Variants in DHX9 observed in about 807,000 individuals in gnomAD.
DHX9 encodes DExH-box helicase 9, also known as ATP-dependent RNA helicase A.
In DHX9, 27 loss-of-function variants were observed where a neutral mutation model predicts 148.7. That is an observed-to-expected ratio of 0.18 (90% CI 0.13 to 0.25). DHX9 has a LOEUF of 0.25. DHX9 is among the 10% of genes least tolerant of loss of function. DHX9 has a pLI of 1.00. For missense variants in DHX9, 796 were observed against 1,559.6 expected, an observed-to-expected ratio of 0.51 and a Z score of 8.25; for synonymous variants, 529 against 516.6, an observed-to-expected ratio of 1.02 and a Z score of -0.33.
At chr1:182,857,224 G>A (rs946276396) in intron 7 of DHX9, among the ~76,000 whole-genome samples, 6 of 152,286 alleles carry the variant, frequency 3.9e-5, no homozygotes, top group African/African-American at 7.2e-5. Flanking sequence ...GAGGATAAAG[G>A]CAGGCTAACT....
chr1:182,870,280 C>T (rs1648502419), intron 14 of DHX9, among the ~76,000 whole-genome samples: 1 of 152,090 alleles, frequency 6.6e-6, no homozygotes, highest in Non-Finnish European at 1.5e-5. Flanking sequence ...ATTAAAATCC[C>T]AGTAAGGTTT....
chr1:182,868,015 A>G (rs1285328036), intron 14 of DHX9, among the ~76,000 whole-genome samples: 1 of 152,076 alleles, frequency 6.6e-6, no homozygotes, highest in Non-Finnish European at 1.5e-5. Context: ...CCCATCCCCC[A>G]TCCTGAAGTT....
intron 7 of DHX9, 50 bp from the exon 8 acceptor site, chr1:182,858,054 T>C (rs768228637): frequency 1.2e-5 from 19 of 1,575,866 alleles, no homozygotes; most frequent in Admixed American, 1.8e-5. Context: ...AAGATGTTTC[T>C]TTACTCAGAT....
In DHX9 at chr1:182,860,124, C is replaced by T. The variant is rs1668333687; in HGVS notation, c.1272C>T (p.Phe424=). The change falls in exon 12 of 28, where the codon TTC becomes TTT. Residue 424 remains phenylalanine (F), a synonymous_variant. Transcript: ENST00000367549. The part of the protein sequence containing the change: ...GCGKTTQVPQ[F]ILDDFIQNDR... The stretch of plus-strand genomic sequence containing the variant: ...GGAAAACCACACAGGTTCCCCAGTT[C>T]ATTCTAGATGACTTTATCCAGAATG... The T allele has an allele frequency of 1.2e-6, 2 of 1,613,774 alleles. No individual in the cohort carries two copies.
At chr1:182,881,207 G>C in intron 22 of DHX9, 57 bp from the exon 23 acceptor site, 1 of 1,556,932 alleles carries the variant, frequency 6.4e-7, no homozygotes, top group African/African-American at 1.4e-5. Context: ...TCCTACCTGA[G>C]CTGCTGGCAA....
chr1:182,865,733 A>G (rs1648266474), intron 12 of DHX9, among the ~76,000 whole-genome samples: 2 of 152,256 alleles, frequency 1.3e-5, no homozygotes, highest in African/African-American at 4.8e-5. Context: ...CATGCAGTAT[A>G]TAAATCTTCG....
At chr1:182,864,284 G>A (rs575982915) in intron 12 of DHX9, among the ~76,000 whole-genome samples, 1 of 152,254 alleles carries the variant, frequency 6.6e-6, no homozygotes, top group Non-Finnish European at 1.5e-5. Context: ...GTGTCTCACT[G>A]TGTTGCCCAG....
intron 27 of DHX9, among the ~76,000 whole-genome samples, chr1:182,885,903 TAGG>T (rs1214522312): frequency 6.6e-6 from 1 of 152,158 alleles, no homozygotes; most frequent in Non-Finnish European, 1.5e-5. Flanking sequence ...TTATTTTTGG[TAGG>T]AGGGCTGGTA....
Position 182,878,073 on chromosome 1 carries a change from G to A in DHX9, c.2251G>A (p.Val751Ile). The change falls in exon 20 of 28, where the codon GTA becomes ATA. Residue 751 changes from valine to isoleucine, a missense_variant. Transcript: ENST00000367549. Reference protein sequence around the residue: ...AHNNMTNYATVWASKTNLEQR... With the variant: ...AHNNMTNYATIWASKTNLEQR... ...CAACAATATGACCAACTATGCTACC[G>A]TATGGGCATCAAAAACAAACCTTGA... 6.2e-7 allele frequency: 1 copy of A among 1,614,204 alleles called. No homozygotes were observed. Among genetic ancestry groups the A allele is most frequent in the Non-Finnish European group, 8.5e-7 (1 of 1,180,034 alleles).
At chr1:182,867,646 A>G (rs899551682) in intron 14 of DHX9, among the ~76,000 whole-genome samples, 2 of 152,150 alleles carry the variant, frequency 1.3e-5, no homozygotes, top group African/African-American at 4.8e-5. Flanking sequence ...CAGGTGATCC[A>G]CCTGCCTTAG....
At chr1:182,869,717 C>T (rs1006121569) in intron 14 of DHX9, among the ~76,000 whole-genome samples, 2 of 152,192 alleles carry the variant, frequency 1.3e-5, no homozygotes, top group African/African-American at 4.8e-5. Flanking sequence ...TCAGGCGATT[C>T]TCCTACGAGT....
intron 18 of DHX9, 122 bp from the exon 19 acceptor site, chr1:182,876,708 A>T: frequency 1.1e-6 from 1 of 916,296 alleles, no homozygotes; most frequent in Non-Finnish European, 1.7e-6. Flanking sequence ...TTAATCAGTT[A>T]TTGGGTGATC....
chr1:182,843,611 C>T (rs1667970864), intron 3 of DHX9, among the ~76,000 whole-genome samples, 177 bp downstream of exon 3: 1 of 152,136 alleles, frequency 6.6e-6, no homozygotes, highest in South Asian at 2.1e-4. Flanking sequence ...ATGTGGATTG[C>T]ATCCTTATTA....
At chr1:182,853,853 A>G (rs1668206518) in intron 5 of DHX9, among the ~76,000 whole-genome samples, 177 bp from the exon 6 acceptor site, 1 of 152,114 alleles carries the variant, frequency 6.6e-6, no homozygotes, top group South Asian at 2.1e-4. Flanking sequence ...TTTATATAAT[A>G]GGGCCTTTAG....
chr1:182,878,804 G>A (rs190662206), intron 20 of DHX9, among the ~76,000 whole-genome samples: 61 of 152,278 alleles, frequency 4.0e-4, no homozygotes, highest in African/African-American at 1.3e-3. Context: ...AAAAGTTTTG[G>A]ATTTTAAAGA....
chr1:182,884,482 G>GT (rs543788754), intron 26 of DHX9, 131 bp from the exon 27 acceptor site: 44,944 of 553,378 alleles, frequency 0.081, 154 homozygotes, highest in South Asian at 0.12. Flanking sequence ...ATTATAAGTA[G>GT]TTTTTTTTTT....
rs370793590 is a variant in DHX9 at position 182,884,740 on chromosome 1, C to T, written c.3388C>T (p.Arg1130Cys). 1.9e-6 allele frequency: 3 copies of T among 1,614,102 alleles called. No individual in the cohort carries two copies. The highest frequency in any genetic ancestry group is 2.5e-6 in the Non-Finnish European group (3 of 1,180,030). ...CAGCCAGTTGGACCCCGTAAATGAACGTATGCTGAACATGATCCGTCAGAT... is the reference window on the plus strand; with the variant it reads ...CAGCCAGTTGGACCCCGTAAATGAATGTATGCTGAACATGATCCGTCAGAT... Reference protein sequence around the residue: ...IISQLDPVNERMLNMIRQISR... With the variant: ...IISQLDPVNECMLNMIRQISR... The change falls in exon 27 of 28, where the codon CGT becomes TGT. Residue 1130 changes from arginine (R) to cysteine (C), a missense_variant. Around this residue, in one of 14 missense-constraint regions of DHX9, gnomAD observed 86 missense variants for 156.3 expected, o/e 0.55. Coordinates refer to ENST00000367549, the MANE Select transcript of DHX9 (RefSeq NM_001357.5).
At position 182,852,330 on chromosome 1, in the gene DHX9, T is replaced by G; in HGVS notation, c.350T>G (p.Leu117Arg). Reference protein sequence around the residue: ...TTMGGPLPPHLALKAENNSEV... With the variant: ...TTMGGPLPPHRALKAENNSEV... Reference sequence around the variant, plus strand: ...ATGGGAGGACCTCTTCCTCCACATCTGGCTCTCAAAGCAGGTAAGGGACTT... The same window carrying G: ...ATGGGAGGACCTCTTCCTCCACATCGGGCTCTCAAAGCAGGTAAGGGACTT... Residue 117 changes from leucine (L) to arginine (R), a missense_variant, in exon 4 of 28, where the codon CTG (leucine) becomes CGG (arginine). By Grantham distance (102) the Leu-to-Arg change is moderately radical. Transcript: ENST00000367549. The G allele has an allele frequency of 6.2e-7, 1 of 1,611,462 alleles. No individual in the cohort carries two copies. The highest frequency in any genetic ancestry group is 8.5e-7 in the Non-Finnish European group (1 of 1,178,814).
rs754846908 is a variant in DHX9, at chr1:182,859,136, G to A, written c.1140+19G>A. 27 of 1,601,650 alleles carry A rather than the reference G, an allele frequency of 1.7e-5. No individual in the cohort carries two copies. In the African/African-American group the frequency reaches 3.5e-4, roughly 21 times the overall value. On this transcript the variant is annotated intron_variant, in intron 11 of 27. Coordinates refer to ENST00000367549, the MANE Select transcript of DHX9 (RefSeq NM_001357.5). ...GCAAGCAGTAAGTCTGAATTATTTA[G>A]ACAAGTAGTGCTCAGAGCTTCAGAA...
Sources: allele counts gnomAD v4.1 joint callset (sites outside exome capture counted in the v4.1 genomes callset), GRCh38; gene constraint gnomAD v4.1.1; regional missense constraint gnomAD v4.1.1; transcripts MANE v1.5; gene names NCBI Gene and HGNC (gene_info 2026-07-23, HGNC 2026-07-21).